COPA: variants seen among roughly 807,000 people sequenced by gnomAD.
The protein encoded by COPA is coat protein complex I subunit alpha, also known as coatomer subunit alpha.
Under a neutral mutation model 158.7 loss-of-function variants are expected in COPA, and 10 were observed. The ratio of observed to expected loss-of-function variants is 0.06; its 90% CI spans 0.04 to 0.11. COPA has a LOEUF of 0.11. COPA is among the 10% of genes least tolerant of loss of function. The probability of loss-of-function intolerance (pLI) is 1.00; values close to 1 mark genes in which losing one functional copy is unlikely to be tolerated. For missense variants in COPA, 1,065 were observed against 1,536.7 expected (o/e 0.69, Z 5.13); for synonymous variants, 462 against 542.8 (o/e 0.85, Z 2.07).
intron 8 of COPA, among the ~76,000 whole-genome samples, chr1:160,316,166 T>C (rs2101849973): frequency 6.6e-6 from 1 of 152,176 alleles, no homozygotes; most frequent in South Asian, 2.1e-4. Context: ...GAGACCAGCC[T>C]GGCCGACATA....
In COPA at chr1:160,310,182, G is replaced by T. The variant is rs769352593; in HGVS notation, c.1143+10C>A. On this transcript the variant is annotated intron_variant, in intron 12 of 32. Coordinates refer to ENST00000241704, the MANE Select transcript of COPA (RefSeq NM_004371.4). ...GAGGAGAACCTAGGAGGGCTCCACA[G>T]GTTACTTACTGTACAAAGCAGGACT... The T allele has an allele frequency of 3.2e-6, 5 of 1,557,314 alleles. No individual in the cohort carries two copies. The Admixed American group carries it at 7.8e-5, about 24-fold the overall frequency.
At chr1:160,290,758 G>A in intron 31 of COPA, 72 bp from the exon 32 acceptor site, 1 of 1,431,316 alleles carries the variant, frequency 7.0e-7, no homozygotes. Flanking sequence ...CAACACCATG[G>A]TTTGGTAGTT....
chr1:160,319,484 A>G lies in COPA; in HGVS notation c.706+3947T>C, dbSNP rs75958284. ...TCAAAAACAGACAGATCATCCATAC[A>G]GTAAATCAACAAAGAAACAGTGGAG... On this transcript the variant is annotated intron_variant, in intron 8 of 32. Transcript: ENST00000241704. Among the ~76,000 whole-genome samples the G allele has an allele frequency of 4.0e-3, 596 of 150,376 alleles. 5 individuals are homozygous for G. Among genetic ancestry groups the G allele is most frequent in the African/African-American group, 0.014 (569 of 40,734 alleles).
chr1:160,304,707 A>G (rs1300945767), intron 17 of COPA, among the ~76,000 whole-genome samples: 1 of 152,198 alleles, frequency 6.6e-6, no homozygotes, highest in East Asian at 1.9e-4. Context: ...GAAGATATGC[A>G]TAATCCATGG....
rs768178995 is a variant in COPA, at chr1:160,305,647, G to C, written c.1528+41C>G. On this transcript the variant is annotated intron_variant, in intron 16 of 32. Coordinates refer to ENST00000241704, the MANE Select transcript of COPA (RefSeq NM_004371.4). Reference sequence around the variant, plus strand: ...AGACTGGCAGGGATCGGGGTGGAAGGGAATGGTCTCTAAATCAGGGTGGAT... The same window carrying C: ...AGACTGGCAGGGATCGGGGTGGAAGCGAATGGTCTCTAAATCAGGGTGGAT... 8.7e-6 allele frequency: 14 copies of C among 1,613,854 alleles called. No homozygotes were observed. The Admixed American group carries it at 2.3e-4, about 27-fold the overall frequency.
chr1:160,324,731 T>C (rs1446341789), intron 7 of COPA, among the ~76,000 whole-genome samples: 2 of 152,182 alleles, frequency 1.3e-5, no homozygotes. Flanking sequence ...GTTGTTTTAA[T>C]CTAAAATGTG....
intron 17 of COPA, among the ~76,000 whole-genome samples, chr1:160,300,992 C>A (rs1571155045): frequency 6.6e-6 from 1 of 151,942 alleles, no homozygotes; most frequent in Non-Finnish European, 1.5e-5. Context: ...ATGGCTCATG[C>A]CTATAATCCC....
chr1:160,334,552 GAAAT>G (rs1647673069), intron 4 of COPA, among the ~76,000 whole-genome samples: 1 of 152,024 alleles, frequency 6.6e-6, no homozygotes, highest in Admixed American at 6.5e-5. Flanking sequence ...ATTAAAAAAA[GAAAT>G]AATATATACT....
intron 17 of COPA, chr1:160,305,091 G>A: frequency 5.6e-6 from 1 of 178,530 alleles, no homozygotes; most frequent in Admixed American, 5.9e-5. Context: ...AAACTAGAAT[G>A]TTACTGTTGG....
intron 8 of COPA, among the ~76,000 whole-genome samples, chr1:160,318,984 AC>A (rs1027506091): frequency 3.9e-5 from 6 of 152,154 alleles, no homozygotes; most frequent in Admixed American, 6.5e-5. Context: ...TCAAAAAAAA[AC>A]AAAACAAAAC....
intron 14 of COPA, 85 bp from the exon 15 acceptor site, chr1:160,306,578 C>T: frequency 6.5e-7 from 1 of 1,537,368 alleles, no homozygotes; most frequent in South Asian, 1.1e-5. Context: ...AGCAATTGTT[C>T]CTTAGCTTCA....
At position 160,343,197 on chromosome 1, in the gene COPA, T is replaced by TAAG. The variant is rs776523752; in HGVS notation, c.-28_-27insCTT. ...TCTCAGGTCTCCGACTCCGATGTCT[T>TAAG]AATCCGAGCCCCGACACACCCTGCT... is the stretch of plus-strand genomic sequence containing the variant. On this transcript the variant is annotated 5_prime_UTR_variant, in exon 1 of 33. Coordinates refer to ENST00000241704, the MANE Select transcript of COPA (RefSeq NM_004371.4). The TAAG allele has an allele frequency of 1.9e-6, 3 of 1,614,130 alleles. No individual in the cohort carries two copies. In the South Asian group the frequency reaches 3.3e-5, roughly 18 times the overall value.
In COPA at chr1:160,288,872, G is replaced by C. The variant is rs1571144523; in HGVS notation, c.*1285C>G. ...TGCTATAATTAGCAAAAGATAAAAG[G>C]CTGCAATCAAAAACAGAATAAGGGA... On this transcript the variant is annotated 3_prime_UTR_variant, in exon 33 of 33. Coordinates refer to ENST00000241704, the MANE Select transcript of COPA (RefSeq NM_004371.4). Among the ~76,000 whole-genome samples the C allele has an allele frequency of 6.6e-6, 1 of 152,240 alleles. No individual in the cohort carries two copies. The highest frequency in any genetic ancestry group is 2.4e-5 in the African/African-American group (1 of 41,568).
Position 160,292,423 on chromosome 1 carries a change from T to C in COPA, c.2960+61A>G, listed in dbSNP as rs1241483762. 1.9e-6 allele frequency: 3 copies of C among 1,607,384 alleles called. No homozygotes were observed. In the African/African-American group the frequency reaches 4.0e-5, roughly 22 times the overall value. The stretch of plus-strand genomic sequence containing the variant: ...AGAATTCTGACTATGTCACTGAGGC[T>C]ACCATCTGAAATATCGACCACAACT... On this transcript the variant is annotated intron_variant, in intron 28 of 32. Transcript: ENST00000241704.
chr1:160,336,761 C>T (rs1647783354), intron 3 of COPA, among the ~76,000 whole-genome samples: 1 of 152,086 alleles, frequency 6.6e-6, no homozygotes, highest in African/African-American at 2.4e-5. Context: ...TCTGGGCCAG[C>T]TTGTTACTAT....
At chr1:160,290,245 T>C (rs753864677) in intron 32 of COPA, 29 bp from the exon 33 acceptor site, 5 of 1,612,478 alleles carry the variant, frequency 3.1e-6, no homozygotes, top group Non-Finnish European at 4.2e-6. Flanking sequence ...AGGAACAAGT[T>C]AGAGATTTGT....
In COPA at chr1:160,291,379, G is replaced by A. The variant is rs200991611; in HGVS notation, c.3376C>T (p.Arg1126Trp). The A allele has an allele frequency of 1.4e-5, 22 of 1,613,910 alleles. No homozygotes were observed. Among genetic ancestry groups the A allele is most frequent in the East Asian group, 2.2e-5 (1 of 44,890 alleles). ...TTGGGCCCGAGTTCTAGTAGGCGCCGAGCAAAGGTGGCAGCTGTCTTGAAG... is the reference window on the plus strand; with the variant it reads ...TTGGGCCCGAGTTCTAGTAGGCGCCAAGCAAAGGTGGCAGCTGTCTTGAAG... Reference protein sequence around the residue: ...KNFKTAATFARRLLELGPKPE... With the variant: ...KNFKTAATFAWRLLELGPKPE... Residue 1126 changes from arginine to tryptophan, a missense_variant, in exon 31 of 33, where the codon CGG becomes TGG. Coordinates refer to ENST00000241704, the MANE Select transcript of COPA (RefSeq NM_004371.4).
intron 10 of COPA, 121 bp downstream of exon 10, chr1:160,312,963 CT>C: frequency 1.2e-6 from 1 of 834,850 alleles, no homozygotes; most frequent in East Asian, 2.6e-5. Flanking sequence ...CTAAGTGGCT[CT>C]GAGAGTCCTT....
intron 3 of COPA, chr1:160,339,667 A>C (rs1441333535): frequency 6.7e-6 from 3 of 445,492 alleles, no homozygotes; most frequent in Non-Finnish European, 8.2e-6. Context: ...TCTGTATTAG[A>C]ATAAAAGCTC....
Sources: gnomAD v4.1 joint callset for allele counts (sites outside exome capture counted in the v4.1 genomes callset) on GRCh38, gnomAD v4.1.1 for gene constraint, MANE v1.5 for transcripts, NCBI Gene and HGNC (gene_info 2026-07-23, HGNC 2026-07-21) for gene names.